AHI1: variants seen among roughly 807,000 people sequenced by gnomAD.
AHI1 encodes the protein Abelson helper integration site 1, also known as jouberin.
In AHI1, 123 loss-of-function variants were observed where a neutral mutation model predicts 149.3. That is an observed-to-expected ratio of 0.82 (90% confidence interval 0.71 to 0.96). The LOEUF (loss-of-function observed/expected upper bound fraction) is 0.96. Ranked by LOEUF, AHI1 falls within the 40% of genes least tolerant of loss-of-function variation. The pLI is 0.00. For missense variants in AHI1, 1,439 were observed against 1,422.7 expected (o/e 1.01, Z -0.18); for synonymous variants, 475 against 459.8 (o/e 1.03, Z -0.42).
chr6:135,422,679 G>A (rs1297516330), intron 20 of AHI1, among the ~76,000 whole-genome samples: 4 of 151,244 alleles, frequency 2.6e-5, no homozygotes, highest in Non-Finnish European at 5.9e-5. Context: ...ATGTAGAGAT[G>A]AGGTCTCACT....
chr6:135,482,123 T>C (rs2128123614), intron 5 of AHI1, among the ~76,000 whole-genome samples: 1 of 152,298 alleles, frequency 6.6e-6, no homozygotes, highest in South Asian at 2.1e-4. Context: ...TACAAAGTTT[T>C]TAGTCATTAT....
chr6:135,431,391 C>T, intron 16 of AHI1, 77 bp from the exon 17 acceptor site: 1 of 834,028 alleles, frequency 1.2e-6, no homozygotes, highest in Non-Finnish European at 1.8e-6. Flanking sequence ...TCGGGGGAAA[C>T]TATACCCCAG....
intron 26 of AHI1, among the ~76,000 whole-genome samples, chr6:135,315,481 T>C (rs905737369): frequency 2.0e-5 from 3 of 152,186 alleles, no homozygotes; most frequent in Non-Finnish European, 4.4e-5. Context: ...TAATCCTCTA[T>C]GGTGCATCAC....
chr6:135,337,123 T>A (rs1405689389), intron 24 of AHI1, among the ~76,000 whole-genome samples: 1 of 152,130 alleles, frequency 6.6e-6, no homozygotes, highest in African/African-American at 2.4e-5. Context: ...CAAACCTGCT[T>A]GGTTCACTGC....
intron 20 of AHI1, 81 bp from the exon 21 acceptor site, chr6:135,411,625 A>C (rs1046196613): frequency 8.5e-7 from 1 of 1,183,320 alleles, no homozygotes; most frequent in East Asian, 2.5e-5. Flanking sequence ...TTCAACAAAT[A>C]ATCAGAAACT....
At chr6:135,290,868 G>C (rs1268062969) in intron 27 of AHI1, among the ~76,000 whole-genome samples, 2 of 150,966 alleles carry the variant, frequency 1.3e-5, no homozygotes, top group Non-Finnish European at 2.9e-5. Context: ...TTAGATGCCT[G>C]GGAAAAATCA....
chr6:135,292,424 CT>C (rs1159882039), intron 27 of AHI1, among the ~76,000 whole-genome samples: 1 of 152,154 alleles, frequency 6.6e-6, no homozygotes, highest in Non-Finnish European at 1.5e-5. Context: ...ACATCTAGAC[CT>C]TTGCTTGTAG....
rs147137400 is a variant in AHI1, at chr6:135,407,735, G to A, written c.2962-2758C>T. ...ATTTCTTAAAAAACATTTTTCTGCCGGGCACAGTGGCTCATGCCTGTAATC... is the reference window on the plus strand; with the variant it reads ...ATTTCTTAAAAAACATTTTTCTGCCAGGCACAGTGGCTCATGCCTGTAATC... On this transcript the variant is annotated intron_variant, in intron 21 of 28. Coordinates refer to ENST00000265602, the MANE Select transcript of AHI1 (RefSeq NM_001134831.2). 2.7e-4 allele frequency among the ~76,000 whole-genome samples: 41 copies of A among 151,824 alleles called. 1 individual carries two copies. Among genetic ancestry groups the A allele is most frequent in the African/African-American group, 8.7e-4 (36 of 41,414 alleles).
intron 15 of AHI1, among the ~76,000 whole-genome samples, chr6:135,434,306 G>A (rs1785071339): frequency 6.6e-6 from 1 of 151,896 alleles, no homozygotes; most frequent in Non-Finnish European, 1.5e-5. Context: ...TAATAATAGA[G>A]GAAGTGAAAG....
chr6:135,337,923 G>T (rs1036099806), intron 24 of AHI1, among the ~76,000 whole-genome samples: 1 of 152,090 alleles, frequency 6.6e-6, no homozygotes, highest in South Asian at 2.1e-4. Flanking sequence ...GGAGAAGTTC[G>T]CGTACATGCA....
At chr6:135,363,885 A>T (rs1388884940) in intron 23 of AHI1, among the ~76,000 whole-genome samples, 1 of 90,374 alleles carries the variant, frequency 1.1e-5, no homozygotes, top group African/African-American at 4.6e-5. Context: ...GGCTGGCCGG[A>T]CGGGGGGCTG....
At chr6:135,427,468 T>C (rs1430386218) in intron 19 of AHI1, among the ~76,000 whole-genome samples, 161 bp from the exon 20 acceptor site, 1 of 151,652 alleles carries the variant, frequency 6.6e-6, no homozygotes, top group Non-Finnish European at 1.5e-5. Context: ...TGAGTAACAA[T>C]GTATTAAATT....
At chr6:135,496,864 T>C (rs965934426) in intron 2 of AHI1, among the ~76,000 whole-genome samples, 1 of 152,226 alleles carries the variant, frequency 6.6e-6, no homozygotes, top group Admixed American at 6.5e-5. Context: ...CTAGGTATGG[T>C]TTAAAAACAC....
chr6:135,364,151 C>G (rs1282250290), intron 23 of AHI1, among the ~76,000 whole-genome samples: 1 of 151,702 alleles, frequency 6.6e-6, no homozygotes, highest in Admixed American at 6.6e-5. Flanking sequence ...GGCTGCTGGG[C>G]GGAGGGGCTC....
At chr6:135,490,187 G>T in intron 5 of AHI1, 1 of 724,008 alleles carries the variant, frequency 1.4e-6, no homozygotes. Context: ...AAACATAAAA[G>T]GATAATTATT....
At chr6:135,408,838 A>G (rs1409722696) in intron 21 of AHI1, among the ~76,000 whole-genome samples, 1 of 152,194 alleles carries the variant, frequency 6.6e-6, no homozygotes, top group Non-Finnish European at 1.5e-5. Flanking sequence ...ATGGTCAAAG[A>G]TATTTCTCAG....
intron 24 of AHI1, among the ~76,000 whole-genome samples, chr6:135,339,124 G>T (rs570678833): frequency 9.9e-5 from 15 of 152,070 alleles, no homozygotes; most frequent in Non-Finnish European, 1.9e-4. Flanking sequence ...CTCACAGCAT[G>T]CTGTGAATGA....
Position 135,438,438 on chromosome 6 carries a change from T to C in AHI1, c.1973A>G (p.Tyr658Cys). Residue 658 changes from tyrosine to cysteine, a missense_variant, in exon 15 of 29, where the codon TAT (tyrosine) becomes TGT (cysteine). Tyr to Cys is a radical substitution (Grantham distance 194). Transcript: ENST00000265602. ...ATCATCTTTTGACCAGGAAAGATCA[T>C]AAATGATATTGAGGTGGCCACACAA... The part of the protein sequence containing the change: ...RELCGHLNII[Y>C]DLSWSKDDHY... 3 of 1,561,176 alleles carry C rather than the reference T, an allele frequency of 1.9e-6. No individual in the cohort carries two copies. Among genetic ancestry groups the C allele is most frequent in the Non-Finnish European group, 2.6e-6 (3 of 1,150,996 alleles).
At chr6:135,350,192 C>T (rs1241423641) in intron 24 of AHI1, among the ~76,000 whole-genome samples, 1 of 152,166 alleles carries the variant, frequency 6.6e-6, no homozygotes, top group East Asian at 1.9e-4. Flanking sequence ...CATGACAAGC[C>T]TCTTCAATTG....
Sources: allele counts gnomAD v4.1 joint callset (sites outside exome capture counted in the v4.1 genomes callset), GRCh38; gene constraint gnomAD v4.1.1; transcripts MANE v1.5; gene names NCBI Gene and HGNC (gene_info 2026-07-23, HGNC 2026-07-21).